Variants in STYX observed in about 807,000 individuals in gnomAD.
STYX encodes serine/threonine/tyrosine interacting protein.
A neutral mutation model predicts 42.7 loss-of-function variants in STYX; 20 were observed. The ratio of observed to expected loss-of-function variants is 0.47; its 90% confidence interval spans 0.33 to 0.68. The LOEUF is 0.68. STYX is among the 30% of genes least tolerant of loss of function. The probability of loss-of-function intolerance (pLI) is 0.02; values close to 1 mark genes in which losing one functional copy is unlikely to be tolerated. For missense variants in STYX, 226 were observed against 268.5 expected (o/e 0.84, Z 1.11); for synonymous variants, 78 against 81.9 (o/e 0.95, Z 0.26).
intron 3 of STYX, among the ~76,000 whole-genome samples, chr14:52,747,440 T>G (rs978555598): frequency 6.6e-6 from 1 of 152,328 alleles, no homozygotes; most frequent in Non-Finnish European, 1.5e-5. Context: ...TTTTTGACAG[T>G]TGAGACATGG....
In STYX at chr14:52,771,520, G is replaced by A. The variant is rs147039458; in HGVS notation, c.*414G>A. The A allele has an allele frequency of 1.3e-5, 2 of 153,424 alleles. No homozygotes were observed. The highest frequency in any genetic ancestry group is 4.8e-5 in the African/African-American group (2 of 41,368). 9.5% of individuals were successfully genotyped at this position (153,424 alleles called of 1,614,324 possible). ...GGTAATTTATAACAAAATTTGCTAA[G>A]GTTTGCTAAAAATTCATTTTTCTGT... On this transcript the variant is annotated 3_prime_UTR_variant, in exon 11 of 11. Transcript: ENST00000354586.
intron 9 of STYX, among the ~76,000 whole-genome samples, chr14:52,763,286 G>C (rs1354319516): frequency 6.6e-6 from 1 of 152,004 alleles, no homozygotes; most frequent in Non-Finnish European, 1.5e-5. Context: ...ATAGAATTAA[G>C]GAAAATAATA....
Position 52,730,470 on chromosome 14 carries a change from G to A in STYX, c.-5G>A, listed in dbSNP as rs373174452. 1 of 1,613,372 alleles carries A rather than the reference G, an allele frequency of 6.2e-7. No homozygotes were observed. The highest frequency in any genetic ancestry group is 8.5e-7 in the Non-Finnish European group (1 of 1,179,782). On this transcript the variant is annotated 5_prime_UTR_variant, in exon 1 of 11. Coordinates refer to ENST00000354586, the MANE Select transcript of STYX (RefSeq NM_145251.4). ...ACCCCACCCACCAGCCCGCGGGCCA[G>A]CACCATGGAGGACGTGAAGCTGGAG...
intron 1 of STYX, among the ~76,000 whole-genome samples, chr14:52,735,222 G>T (rs1880901330): frequency 6.6e-6 from 1 of 152,206 alleles, no homozygotes; most frequent in African/African-American, 2.4e-5. Flanking sequence ...TCTCCAAGAT[G>T]TGAAGCTTGG....
rs963236020 is a variant in STYX, at chr14:52,774,881, A to G, written c.*3775A>G. The G allele has an allele frequency of 2.0e-5, 3 of 152,216 alleles. No individual in the cohort carries two copies. The highest frequency in any genetic ancestry group is 3.2e-3 in the Middle Eastern group (1 of 316). 9.4% of individuals were successfully genotyped at this position (152,216 alleles called of 1,614,324 possible). A position where few individuals can be genotyped will look rare whatever the true frequency, so the allele number is the denominator to read the frequency against. ...ACTTGGATAAAATGCTTATGTCTGT[A>G]TAGGAATGTCACAGTGCAAGATGCT... On this transcript the variant is annotated 3_prime_UTR_variant, in exon 11 of 11. Coordinates refer to ENST00000354586, the MANE Select transcript of STYX (RefSeq NM_145251.4).
chr14:52,759,938 C>T (rs1455573354), intron 9 of STYX, among the ~76,000 whole-genome samples, 184 bp downstream of exon 9: 2 of 152,018 alleles, frequency 1.3e-5, no homozygotes, highest in Admixed American at 1.3e-4. Flanking sequence ...TGGCTTATAC[C>T]TATAATCACA....
In STYX at chr14:52,772,936, T is replaced by G. The variant is rs1882571441; in HGVS notation, c.*1830T>G. ...GTGGAGTCAAGATTCGCATTGGGTT[T>G]TCTAAAATTCCAGTTGATAAAAGTT... On this transcript the variant is annotated 3_prime_UTR_variant, in exon 11 of 11. Transcript: ENST00000354586. The G allele has an allele frequency of 6.6e-6, 1 of 152,070 alleles. No homozygotes were observed. Among genetic ancestry groups the G allele is most frequent in the South Asian group, 2.1e-4 (1 of 4,834 alleles). 9.4% of individuals were successfully genotyped at this position (152,070 alleles called of 1,614,324 possible). A position where few individuals can be genotyped will look rare whatever the true frequency, so the allele number is the denominator to read the frequency against.
chr14:52,745,459 C>T (rs1225948263), intron 2 of STYX, among the ~76,000 whole-genome samples: 3 of 152,138 alleles, frequency 2.0e-5, no homozygotes, highest in Non-Finnish European at 4.4e-5. Flanking sequence ...TTTTTCCTCA[C>T]GTGAAAAATT....
chr14:52,739,416 T>G (rs114955522), intron 1 of STYX, among the ~76,000 whole-genome samples: 1,798 of 152,218 alleles, frequency 0.012, 33 homozygotes, highest in African/African-American at 0.041. Flanking sequence ...ATCACAGCTC[T>G]GACAAGTTGC....
At chr14:52,744,981 T>C (rs1265248375) in intron 2 of STYX, 97 bp downstream of exon 2, 1 of 973,168 alleles carries the variant, frequency 1.0e-6, no homozygotes. Flanking sequence ...TCATGATCTG[T>C]AGGTTCATCA....
intron 9 of STYX, among the ~76,000 whole-genome samples, chr14:52,763,825 CT>C (rs1882193983): frequency 6.6e-6 from 1 of 152,136 alleles, no homozygotes; most frequent in Non-Finnish European, 1.5e-5. Context: ...TCCACTTGAT[CT>C]GTCTTGGGCT....
chr14:52,755,132 T>G (rs866112047), intron 4 of STYX, among the ~76,000 whole-genome samples: 1 of 150,976 alleles, frequency 6.6e-6, no homozygotes, highest in African/African-American at 2.4e-5. Flanking sequence ...TTTTTTTTTT[T>G]TTGTTTTTGA....
intron 1 of STYX, among the ~76,000 whole-genome samples, chr14:52,740,999 TG>T: frequency 6.6e-6 from 1 of 152,284 alleles, no homozygotes; most frequent in Admixed American, 6.5e-5. Context: ...ATCATGCAAA[TG>T]GACTCTTTTG....
rs1882504130 is a variant in STYX, at chr14:52,771,336, C to T, written c.*230C>T. The T allele has an allele frequency of 5.2e-6, 2 of 385,096 alleles. No individual in the cohort carries two copies. Among genetic ancestry groups the T allele is most frequent in the African/African-American group, 2.1e-5 (1 of 48,680 alleles). 23.9% of individuals were successfully genotyped at this position (385,096 alleles called of 1,614,324 possible). A position where few individuals can be genotyped will look rare whatever the true frequency, so the allele number is the denominator to read the frequency against. On this transcript the variant is annotated 3_prime_UTR_variant, in exon 11 of 11. Coordinates refer to ENST00000354586, the MANE Select transcript of STYX (RefSeq NM_145251.4). The stretch of plus-strand genomic sequence containing the variant: ...TTTTAAAAACACATGCGCGCGCACA[C>T]ACACATGCTTTACAAGTTTTATTAT...
At chr14:52,749,326 G>A (rs561611582) in intron 3 of STYX, among the ~76,000 whole-genome samples, 4 of 152,222 alleles carry the variant, frequency 2.6e-5, no homozygotes, top group African/African-American at 9.6e-5. Context: ...AAGAATTTGA[G>A]GTGATGCAAA....
At chr14:52,755,236 C>T (rs762333029) in intron 4 of STYX, among the ~76,000 whole-genome samples, 1 of 151,798 alleles carries the variant, frequency 6.6e-6, no homozygotes, top group Non-Finnish European at 1.5e-5. Context: ...GATTCTCCTG[C>T]CTCAGCCTCC....
chr14:52,738,694 C>G (rs995630834), intron 1 of STYX, among the ~76,000 whole-genome samples: 2 of 152,276 alleles, frequency 1.3e-5, no homozygotes, highest in African/African-American at 4.8e-5. Context: ...GTAGCAAATG[C>G]AAAGAAACAC....
chr14:52,759,900 T>G, intron 9 of STYX, 146 bp downstream of exon 9: 1 of 612,960 alleles, frequency 1.6e-6, no homozygotes, highest in South Asian at 2.0e-5. Context: ...ATATCTCTAT[T>G]TAGAAGTATT....
At chr14:52,763,415 CT>C (rs754870760) in intron 9 of STYX, among the ~76,000 whole-genome samples, 5 of 152,064 alleles carry the variant, frequency 3.3e-5, no homozygotes, top group Non-Finnish European at 7.4e-5. Flanking sequence ...TTGTTTGCTG[CT>C]GCTGTTGTGA....
Sources: gnomAD v4.1 joint callset for allele counts (sites outside exome capture counted in the v4.1 genomes callset) on GRCh38, gnomAD v4.1.1 for gene constraint, MANE v1.5 for transcripts, NCBI Gene and HGNC (gene_info 2026-07-23, HGNC 2026-07-21) for gene names.